Variants in ERICH1 observed in about 807,000 individuals in gnomAD.
ERICH1 encodes glutamate rich 1, also known as glutamate-rich protein 1.
In ERICH1, 56 loss-of-function variants were observed where a neutral mutation model predicts 39.6. That is an observed-to-expected ratio of 1.41 (90% CI 1.14 to 1.77). The LOEUF is 1.77. ERICH1 is among the 40% of genes most tolerant of loss of function. The pLI, the probability that ERICH1 is intolerant of heterozygous loss-of-function variation, is 0.00. For synonymous variants in ERICH1, 313 were observed against 223.6 expected (o/e 1.40, Z -3.57); for missense variants, 826 against 575.4 (o/e 1.44, Z -4.45).
In ERICH1 at chr8:731,114, C is replaced by G. The variant is rs755738788; in HGVS notation, c.22+26G>C. The G allele has an allele frequency of 3.4e-5, 50 of 1,488,838 alleles. No individual in the cohort carries two copies. The Admixed American group carries it at 1.1e-3, about 31-fold the overall frequency. The allele number at this position is 1,488,838 out of a possible 1,614,324, so 92.2% of individuals were successfully genotyped here. On this transcript the variant is annotated intron_variant, in intron 1 of 5. Transcript: ENST00000262109. ...CCGAGAGCCGGGTCTGGGGTCTGGG[C>G]AGGCCTCCGCACCGCACCCACCTAC...
intron 1 of ERICH1, among the ~76,000 whole-genome samples, chr8:724,969 G>C (rs1022468448): frequency 6.6e-6 from 1 of 152,168 alleles, no homozygotes; most frequent in Non-Finnish European, 1.5e-5. Flanking sequence ...CGCCAGCCAC[G>C]AAGGACCATG....
At chr8:620,772 C>G (rs1340165080) in intron 3 of ERICH1, among the ~76,000 whole-genome samples, 1 of 152,106 alleles carries the variant, frequency 6.6e-6, no homozygotes, top group Non-Finnish European at 1.5e-5. Context: ...AGTGGCACCC[C>G]AAAATATATA....
At chr8:620,811 GT>G (rs1797235363) in intron 3 of ERICH1, among the ~76,000 whole-genome samples, 2 of 152,280 alleles carry the variant, frequency 1.3e-5, no homozygotes, top group African/African-American at 4.8e-5. Context: ...GAAGGGAGAA[GT>G]AGACAATTTA....
intron 3 of ERICH1, among the ~76,000 whole-genome samples, chr8:649,966 C>T (rs987034050): frequency 6.6e-6 from 1 of 152,218 alleles, no homozygotes; most frequent in Non-Finnish European, 1.5e-5. Context: ...GCAGCCGCGA[C>T]ATCTGGCACC....
At chr8:670,431 C>T (rs138722530) in intron 4 of ERICH1, among the ~76,000 whole-genome samples, 94 of 152,214 alleles carry the variant, frequency 6.2e-4, no homozygotes, top group African/African-American at 1.7e-3. Flanking sequence ...TCTAGGATGG[C>T]GACATTTTCC....
chr8:622,956 C>CAACA (rs71528608), intron 3 of ERICH1, among the ~76,000 whole-genome samples: 1 of 143,866 alleles, frequency 7.0e-6, no homozygotes, highest in Non-Finnish European at 1.5e-5. Context: ...GATCCGCTCT[C>CAACA]AATAAATAAA....
Position 664,690 on chromosome 8 carries a change from A to C in ERICH1, c.1259-14T>G, listed in dbSNP as rs763087324. ...CTCTGGCATGGTCTAGAAAGCAAAA[A>C]ACACAAAACAAAAAATAAAACAAAG... On this transcript the variant is annotated splice_polypyrimidine_tract_variant and intron_variant, in intron 5 of 5. Transcript: ENST00000262109. 5 of 1,582,388 alleles carry C rather than the reference A, an allele frequency of 3.2e-6. No individual in the cohort carries two copies. The African/African-American group carries it at 4.1e-5, about 13-fold the overall frequency.
rs1798513786 is a variant in ERICH1 at position 637,271 on chromosome 8, T to G, written c.977-21987A>C. Among the ~76,000 whole-genome samples, 15 of 152,322 alleles carry G rather than the reference T, an allele frequency of 9.8e-5. No homozygotes were observed. The South Asian group carries it at 2.9e-3, about 29-fold the overall frequency. On this transcript the variant is annotated intron_variant, in intron 3 of 3. Coordinates refer to the ERICH1 transcript ENST00000522706. ...CAGCCTCGTCCCCGGCATCCTGCAT[T>G]CCTAGCTGCTTCCCAGAGCTGCCAC...
chr8:656,098 G>A (rs1037351075), intron 3 of ERICH1, among the ~76,000 whole-genome samples: 1 of 152,140 alleles, frequency 6.6e-6, no homozygotes, highest in Non-Finnish European at 1.5e-5. Context: ...TGAACTGCCT[G>A]TGACCACAGC....
chr8:668,969 A>C, intron 4 of ERICH1, 177 bp from the exon 5 acceptor site: 4 of 611,068 alleles, frequency 6.5e-6, no homozygotes, highest in Admixed American at 3.2e-5. Context: ...ACAAAATACC[A>C]CTGCATGAAC....
chr8:643,362 A>C (rs535019861), intron 3 of ERICH1, among the ~76,000 whole-genome samples: 39 of 152,272 alleles, frequency 2.6e-4, no homozygotes, highest in African/African-American at 9.1e-4. Flanking sequence ...ACCAGAGGGA[A>C]AGGCTGACCC....
chr8:644,256 G>C (rs191850959), intron 3 of ERICH1, among the ~76,000 whole-genome samples: 2 of 152,306 alleles, frequency 1.3e-5, no homozygotes, highest in East Asian at 1.9e-4. Context: ...CCTGCTCTTC[G>C]GGCTTCAGGG....
chr8:622,949 C>A (rs1797373965), intron 3 of ERICH1, among the ~76,000 whole-genome samples: 1 of 83,002 alleles, frequency 1.2e-5, no homozygotes, highest in Admixed American at 1.3e-4. Context: ...CAGAGGAGAT[C>A]CGCTCTCAAT....
At chr8:628,695 G>C (rs1351662040) in intron 3 of ERICH1, among the ~76,000 whole-genome samples, 1 of 152,196 alleles carries the variant, frequency 6.6e-6, no homozygotes, top group Non-Finnish European at 1.5e-5. Flanking sequence ...CGATGAGATG[G>C]GAATAACACC....
At chr8:687,960 GCGAGAAGGCGC>G (rs151060077) in intron 3 of ERICH1, among the ~76,000 whole-genome samples, 2,059 of 152,256 alleles carry the variant, frequency 0.014, 51 homozygotes, top group African/African-American at 0.047. Flanking sequence ...CATCCCGGCG[GCGAGAAGGCGC>G]CGAGAGACCT....
At chr8:627,821 G>A (rs1301077456) in intron 3 of ERICH1, among the ~76,000 whole-genome samples, 1 of 152,208 alleles carries the variant, frequency 6.6e-6, no homozygotes, top group Non-Finnish European at 1.5e-5. Context: ...CAAAGAGCCA[G>A]CAAGGGTCTG....
intron 3 of ERICH1, among the ~76,000 whole-genome samples, chr8:631,039 C>T (rs1201951098): frequency 1.3e-5 from 2 of 151,778 alleles, no homozygotes; most frequent in African/African-American, 4.8e-5. Context: ...CTCCCGTGAC[C>T]ACCCACCACC....
At chr8:679,291 A>C (rs1033683081) in intron 3 of ERICH1, among the ~76,000 whole-genome samples, 7 of 139,690 alleles carry the variant, frequency 5.0e-5, no homozygotes, top group Non-Finnish European at 9.2e-5. Flanking sequence ...TACTGCTCAC[A>C]GCAAGTGACC....
At chr8:635,588 C>T (rs1394910471) in intron 3 of ERICH1, among the ~76,000 whole-genome samples, 1 of 152,216 alleles carries the variant, frequency 6.6e-6, no homozygotes, top group Non-Finnish European at 1.5e-5. Context: ...GGCCAGCCGG[C>T]CCGGCCCCGA....
Sources: gnomAD v4.1 joint callset for allele counts (sites outside exome capture counted in the v4.1 genomes callset) on GRCh38, gnomAD v4.1.1 for gene constraint, MANE v1.5 for transcripts, NCBI Gene and HGNC (gene_info 2026-07-23, HGNC 2026-07-21) for gene names.